MRPS35: variants seen among roughly 807,000 people sequenced by gnomAD.
MRPS35 encodes the protein mitochondrial ribosomal protein S35, also known as small ribosomal subunit protein mS35.
In MRPS35, 29 loss-of-function variants were observed where a neutral mutation model predicts 32.7. The observed-to-expected ratio is 0.89, with a 90% CI of 0.66 to 1.21. The LOEUF (loss-of-function observed/expected upper bound fraction) is 1.21, where lower values mean the gene tolerates loss of function less well. Ranked by LOEUF, MRPS35 falls within the 50% of genes most tolerant of loss-of-function variation. MRPS35 has a pLI of 0.00. For missense variants in MRPS35, 373 were observed against 383.8 expected, an observed-to-expected ratio of 0.97 and a Z score of 0.23; for synonymous variants, 148 against 139.3, an observed-to-expected ratio of 1.06 and a Z score of -0.44.
chr12:27,727,744 A>C (rs1419188725), intron 5 of MRPS35, among the ~76,000 whole-genome samples: 1 of 152,104 alleles, frequency 6.6e-6, no homozygotes, highest in Non-Finnish European at 1.5e-5. Context: ...TAGCTCTTAC[A>C]TTTAGATCTA....
rs770815071 is a variant in MRPS35, at chr12:27,755,381, TGAG to T, written c.909_911del (p.Glu304del). The T allele has an allele frequency of 6.2e-7, 1 of 1,600,792 alleles. No individual in the cohort carries two copies. The stretch of plus-strand genomic sequence containing the variant: ...AAAAGTCTGTTGTTAGTCTTAAAAA[TGAG>T]GAGGAAAATGAAAATTCCATTTCTC... On this transcript the variant is annotated inframe_deletion, in exon 8 of 8. Coordinates refer to ENST00000081029, the MANE Select transcript of MRPS35 (RefSeq NM_021821.4).
rs756169861 is a variant in MRPS35, at chr12:27,755,267, G to A, written c.789G>A (p.Leu263=). 2.5e-6 allele frequency: 4 copies of A among 1,612,528 alleles called. No homozygotes were observed. The highest frequency in any genetic ancestry group is 1.7e-5 in the Admixed American group (1 of 59,844). ...ATAGCTCATCAGAAAGAAATATCCT[G>A]GAAACGCTTCTCCAGATGAAAGCTG... The part of the protein sequence containing the change: ...WENSSSERNI[L]ETLLQMKAAE... The change falls in exon 8 of 8, where the codon CTG becomes CTA. Residue 263 remains leucine, a synonymous_variant. Transcript: ENST00000081029.
intron 7 of MRPS35, among the ~76,000 whole-genome samples, chr12:27,740,281 T>A (rs921453817): frequency 2.0e-5 from 3 of 148,572 alleles, no homozygotes; most frequent in African/African-American, 7.3e-5. Flanking sequence ...TTTTTTTTTT[T>A]CTTCGAGTCA....
Position 27,717,621 on chromosome 12 carries a change from A to C in MRPS35, c.321+1163A>C, listed in dbSNP as rs550387262. ...CTGTTGCTGGAGACAGGGGTAAATG[A>C]AATTTGGAAATGGGAATGTGAAGAC... On this transcript the variant is annotated intron_variant, in intron 3 of 7. Coordinates refer to ENST00000081029, the MANE Select transcript of MRPS35 (RefSeq NM_021821.4). Among the ~76,000 whole-genome samples the C allele has an allele frequency of 4.6e-5, 7 of 152,356 alleles. 1 individual carries two copies. In the South Asian group the frequency reaches 1.5e-3, roughly 32 times the overall value.
chr12:27,756,248 G>C lies in MRPS35; in HGVS notation c.*798G>C, dbSNP rs1054170451. On this transcript the variant is annotated 3_prime_UTR_variant, in exon 8 of 8. Transcript: ENST00000081029. ...CCTGTCAGCTGTTTCTTACCACTTC[G>C]ATGGTTGTGATTAATTTAAAATCAA... is the stretch of plus-strand genomic sequence containing the variant. The C allele has an allele frequency of 6.6e-6, 1 of 152,232 alleles. No individual in the cohort carries two copies. The highest frequency in any genetic ancestry group is 1.5e-5 in the Non-Finnish European group (1 of 68,054). 9.4% of individuals were successfully genotyped at this position (152,232 alleles called of 1,614,324 possible). A position where few individuals can be genotyped will look rare whatever the true frequency, so the allele number is the denominator to read the frequency against.
At chr12:27,721,933 A>T (rs558010466) in intron 4 of MRPS35, among the ~76,000 whole-genome samples, 2 of 152,306 alleles carry the variant, frequency 1.3e-5, no homozygotes, top group Admixed American at 6.5e-5. Flanking sequence ...CAAAAATATT[A>T]AAAAATTAGC....
chr12:27,754,063 A>G (rs2062016741), intron 7 of MRPS35, among the ~76,000 whole-genome samples: 1 of 152,262 alleles, frequency 6.6e-6, no homozygotes, highest in East Asian at 1.9e-4. Context: ...AGACCGGCCT[A>G]GAAAACATGG....
intron 7 of MRPS35, among the ~76,000 whole-genome samples, chr12:27,750,964 G>A (rs1445722092): frequency 2.0e-5 from 3 of 151,874 alleles, no homozygotes; most frequent in Non-Finnish European, 2.9e-5. Context: ...TTAGCTGGGC[G>A]TGGTAGTTGG....
intron 7 of MRPS35, among the ~76,000 whole-genome samples, chr12:27,752,232 G>T (rs553390625): frequency 1.3e-5 from 2 of 152,182 alleles, no homozygotes; most frequent in South Asian, 4.1e-4. Flanking sequence ...GAATGAAGGA[G>T]GAGGGTGCTT....
In MRPS35 at chr12:27,755,228, G is replaced by A. The variant is rs764505191; in HGVS notation, c.750G>A (p.Glu250=). The change falls in exon 8 of 8, where the codon GAG becomes GAA. Residue 250 remains glutamate, a synonymous_variant. Coordinates refer to ENST00000081029, the MANE Select transcript of MRPS35 (RefSeq NM_021821.4). Reference sequence around the variant, plus strand: ...GTAAGACTGAAGCAGACATGGAAGAGTATATATGGGAAAATAGCTCATCAG... The same window carrying A: ...GTAAGACTGAAGCAGACATGGAAGAATATATATGGGAAAATAGCTCATCAG... ...EKSKTEADME[E]YIWENSSSER... is the part of the protein sequence containing the mutation. 3 of 1,607,822 alleles carry A rather than the reference G, an allele frequency of 1.9e-6. No homozygotes were observed. Among genetic ancestry groups the A allele is most frequent in the African/African-American group, 2.7e-5 (2 of 74,502 alleles).
chr12:27,756,068 T>A lies in MRPS35; in HGVS notation c.*618T>A, dbSNP rs1200829071. ...AAGTAGAAGTGGAGATTACCTGGTA[T>A]GTATCTCTCTGGGTGCCCCAGTTAG... On this transcript the variant is annotated 3_prime_UTR_variant, in exon 8 of 8. Transcript: ENST00000081029. 6.6e-6 allele frequency: 1 copy of A among 152,242 alleles called. No homozygotes were observed. The highest frequency in any genetic ancestry group is 1.5e-5 in the Non-Finnish European group (1 of 68,046). 9.4% of individuals were successfully genotyped at this position (152,242 alleles called of 1,614,324 possible).
intron 7 of MRPS35, among the ~76,000 whole-genome samples, chr12:27,753,427 T>C (rs1264073951): frequency 6.6e-6 from 1 of 152,016 alleles, no homozygotes; most frequent in Non-Finnish European, 1.5e-5. Flanking sequence ...ACATCTCCAA[T>C]GCTTTCTTTT....
At chr12:27,753,687 T>C in intron 7 of MRPS35, among the ~76,000 whole-genome samples, 1 of 152,026 alleles carries the variant, frequency 6.6e-6, no homozygotes, top group Non-Finnish European at 1.5e-5. Flanking sequence ...TAGCAGCCTG[T>C]AGCTCAGAAT....
At chr12:27,732,274 C>T (rs1433330648) in intron 5 of MRPS35, among the ~76,000 whole-genome samples, 1 of 152,216 alleles carries the variant, frequency 6.6e-6, no homozygotes, top group Non-Finnish European at 1.5e-5. Flanking sequence ...CATCCAATGT[C>T]CCTACTGGTT....
At chr12:27,733,009 T>G (rs1295104859) in intron 5 of MRPS35, among the ~76,000 whole-genome samples, 4 of 35,028 alleles carry the variant, frequency 1.1e-4, no homozygotes, top group African/African-American at 1.9e-4. Context: ...TATATATATA[T>G]ATATATATAT....
At chr12:27,750,157 A>C (rs1439072945) in intron 7 of MRPS35, among the ~76,000 whole-genome samples, 1 of 152,222 alleles carries the variant, frequency 6.6e-6, no homozygotes. Flanking sequence ...ATGTTGCATT[A>C]AAAATTATGT....
Position 27,720,014 on chromosome 12 carries a change from C to G in MRPS35, c.382+146C>G, listed in dbSNP as rs920450173. 4.9e-6 allele frequency: 3 copies of G among 610,138 alleles called. No individual in the cohort carries two copies. The African/African-American group carries it at 5.6e-5, about 11-fold the overall frequency. The allele number at this position is 610,138 out of a possible 1,614,324, so 37.8% of individuals were successfully genotyped here. On this transcript the variant is annotated intron_variant, in intron 4 of 7. Transcript: ENST00000081029. Reference sequence around the variant, plus strand: ...AAGTCTGCAAATTGTTTTTGCTAACCACTACAAGGTATTAGGAATAATAAT... The same window carrying G: ...AAGTCTGCAAATTGTTTTTGCTAACGACTACAAGGTATTAGGAATAATAAT...
At chr12:27,745,192 A>G (rs1270927352) in intron 7 of MRPS35, among the ~76,000 whole-genome samples, 1 of 152,206 alleles carries the variant, frequency 6.6e-6, no homozygotes, top group Non-Finnish European at 1.5e-5. Context: ...TAGTGCAGCC[A>G]TCCCTTTTAA....
intron 5 of MRPS35, among the ~76,000 whole-genome samples, chr12:27,728,413 T>C (rs2061908790): frequency 1.3e-5 from 2 of 152,084 alleles, no homozygotes; most frequent in Non-Finnish European, 2.9e-5. Flanking sequence ...TACATACACA[T>C]CTAAGTACCT....
Sources: allele counts gnomAD v4.1 joint callset (sites outside exome capture counted in the v4.1 genomes callset), GRCh38; gene constraint gnomAD v4.1.1; transcripts MANE v1.5; gene names NCBI Gene and HGNC (gene_info 2026-07-23, HGNC 2026-07-21).